HSPA4: variants seen among roughly 807,000 people sequenced by gnomAD.
HSPA4 encodes the protein heat shock 70 kDa protein 4.
In HSPA4, 25 loss-of-function variants were observed where a neutral mutation model predicts 106.2. The observed-to-expected ratio is 0.24, with a 90% CI of 0.17 to 0.33. HSPA4 has a LOEUF of 0.33. Ranked by LOEUF, HSPA4 falls within the 10% of genes least tolerant of loss-of-function variation. The pLI, the probability that HSPA4 is intolerant of heterozygous loss-of-function variation, is 1.00. For missense variants in HSPA4, 841 were observed against 996.0 expected, an observed-to-expected ratio of 0.84 and a Z score of 2.10; for synonymous variants, 332 against 333.6, an observed-to-expected ratio of 1.00 and a Z score of 0.05.
In HSPA4 at chr5:133,105,689, C is replaced by T. The variant is rs1765848484; in HGVS notation, c.*1253C>T. 6.6e-6 allele frequency: 1 copy of T among 152,140 alleles called. No homozygotes were observed. Among genetic ancestry groups the T allele is most frequent in the Non-Finnish European group, 1.5e-5 (1 of 68,034 alleles). 9.4% of individuals were successfully genotyped at this position (152,140 alleles called of 1,614,324 possible). ...AGGGCTTGTTGGTAATGTTTTGAAT[C>T]TTTGTAAAAATTGATATTCTGTATA... On this transcript the variant is annotated 3_prime_UTR_variant, in exon 19 of 19. Coordinates refer to ENST00000304858, the MANE Select transcript of HSPA4 (RefSeq NM_002154.4).
intron 8 of HSPA4, among the ~76,000 whole-genome samples, chr5:133,087,779 A>G (rs1765597275): frequency 1.3e-5 from 2 of 152,008 alleles, no homozygotes; most frequent in South Asian, 4.2e-4. Context: ...ATGCGCCACT[A>G]CTTCTGGCTA....
At chr5:133,074,187 A>T in intron 6 of HSPA4, 61 bp downstream of exon 6, 1 of 1,165,422 alleles carries the variant, frequency 8.6e-7, no homozygotes, top group Non-Finnish European at 1.2e-6. Context: ...AAATTTTGAG[A>T]GACAATGATT....
chr5:133,060,479 C>T (rs1166464696), intron 1 of HSPA4, among the ~76,000 whole-genome samples: 1 of 152,094 alleles, frequency 6.6e-6, no homozygotes, highest in African/African-American at 2.4e-5. Context: ...TCTTCTGCCT[C>T]AGCCCCCTGA....
intron 7 of HSPA4, among the ~76,000 whole-genome samples, chr5:133,079,211 GT>G: frequency 6.6e-6 from 1 of 152,138 alleles, no homozygotes. Flanking sequence ...AATTCACAGG[GT>G]TGTGCAATGG....
intron 17 of HSPA4, among the ~76,000 whole-genome samples, chr5:133,102,911 G>GTTTTTTTTT (rs1581483781): frequency 4.1e-5 from 2 of 48,902 alleles, no homozygotes; most frequent in Admixed American, 1.4e-4. Flanking sequence ...AACTAGGGTT[G>GTTTTTTTTT]TCTTTTTTTT....
chr5:133,101,328 T>C (rs1398942984), intron 16 of HSPA4, among the ~76,000 whole-genome samples: 1 of 152,224 alleles, frequency 6.6e-6, no homozygotes, highest in Non-Finnish European at 1.5e-5. Context: ...GATTTTCCTC[T>C]AGTTGGATTT....
chr5:133,067,211 C>T (rs1280059034), intron 2 of HSPA4, among the ~76,000 whole-genome samples: 3 of 152,040 alleles, frequency 2.0e-5, no homozygotes, highest in Non-Finnish European at 2.9e-5. Flanking sequence ...TATTTTTAGC[C>T]CTGCCACTCT....
In HSPA4 at chr5:133,052,188, C is replaced by T. The variant is rs553712217; in HGVS notation, c.-63C>T. The T allele has an allele frequency of 6.0e-6, 7 of 1,158,948 alleles. No individual in the cohort carries two copies. Among genetic ancestry groups the T allele is most frequent in the Non-Finnish European group, 5.0e-6 (4 of 806,178 alleles). 71.8% of individuals were successfully genotyped at this position (1,158,948 alleles called of 1,614,324 possible). On this transcript the variant is annotated 5_prime_UTR_variant, in exon 1 of 19. Coordinates refer to ENST00000304858, the MANE Select transcript of HSPA4 (RefSeq NM_002154.4). ...CCTGCTTTCCACTCGCTAGCCCCGC[C>T]GGGGGTCCGTGTCCTGTCTCGGTGG...
rs535303231 is a variant in HSPA4, at chr5:133,101,542, C to T, written c.2038-217C>T. The T allele has an allele frequency of 8.7e-5, 37 of 427,490 alleles. No individual in the cohort carries two copies. In the Admixed American group the frequency reaches 1.5e-3, roughly 17 times the overall value. The allele number at this position is 427,490 out of a possible 1,614,324, so 26.5% of individuals were successfully genotyped here. ...GTCTCCCTGCTGTGTTTTGAGGGCT[C>T]AGGTGACAAATTGAAGCGATTCCAG... On this transcript the variant is annotated intron_variant, in intron 16 of 18. Coordinates refer to ENST00000304858, the MANE Select transcript of HSPA4 (RefSeq NM_002154.4).
Position 133,104,395 on chromosome 5 carries a change from T to C in HSPA4, c.2482T>C (p.Ser828Pro). The C allele has an allele frequency of 6.2e-7, 1 of 1,614,176 alleles. No homozygotes were observed. Among genetic ancestry groups the C allele is most frequent in the Non-Finnish European group, 8.5e-7 (1 of 1,180,030 alleles). The change falls in exon 19 of 19, where the codon TCG (serine) becomes CCG (proline). Residue 828 changes from serine to proline, a missense_variant. By Grantham distance (74) the Ser-to-Pro change is moderately conservative. Coordinates refer to ENST00000304858, the MANE Select transcript of HSPA4 (RefSeq NM_002154.4). Reference sequence around the variant, plus strand: ...GCAGGGTACAGACACAGCTGTGCCTTCGGATTCAGACAAGAAGCTTCCTGA... The same window carrying C: ...GCAGGGTACAGACACAGCTGTGCCTCCGGATTCAGACAAGAAGCTTCCTGA... Reference protein sequence around the residue: ...AEQGTDTAVPSDSDKKLPEMD... With the variant: ...AEQGTDTAVPPDSDKKLPEMD...
intron 12 of HSPA4, among the ~76,000 whole-genome samples, chr5:133,091,817 G>A (rs1338239094): frequency 2.6e-5 from 4 of 152,072 alleles, no homozygotes; most frequent in Non-Finnish European, 4.4e-5. Flanking sequence ...CTTGAGCCCA[G>A]AAGTTTGAGG....
intron 7 of HSPA4, among the ~76,000 whole-genome samples, chr5:133,079,737 G>T (rs1188213332): frequency 6.6e-6 from 1 of 151,966 alleles, no homozygotes; most frequent in African/African-American, 2.4e-5. Flanking sequence ...CGCCCTACTG[G>T]GTTTCAGTTT....
At chr5:133,085,772 A>G (rs1358286368) in intron 7 of HSPA4, among the ~76,000 whole-genome samples, 2 of 151,228 alleles carry the variant, frequency 1.3e-5, no homozygotes, top group Non-Finnish European at 2.9e-5. Context: ...ACAGGGAGGG[A>G]TGAATAGTTG....
chr5:133,065,706 G>A (rs1765298922), intron 2 of HSPA4, among the ~76,000 whole-genome samples: 1 of 152,112 alleles, frequency 6.6e-6, no homozygotes. Flanking sequence ...TGTTAAACAA[G>A]TTTCTCAAGG....
intron 2 of HSPA4, among the ~76,000 whole-genome samples, chr5:133,066,967 C>G (rs1318241796): frequency 1.3e-5 from 2 of 152,098 alleles, no homozygotes; most frequent in Admixed American, 1.3e-4. Flanking sequence ...GCCCTGGCTT[C>G]TTTCAAAGTG....
At chr5:133,062,698 C>A (rs776667240) in intron 1 of HSPA4, among the ~76,000 whole-genome samples, 8 of 152,004 alleles carry the variant, frequency 5.3e-5, no homozygotes, top group Non-Finnish European at 1.2e-4. Context: ...CTTTCTAGGC[C>A]CAAAAGCTTA....
At chr5:133,080,826 T>C (rs1203804124) in intron 7 of HSPA4, among the ~76,000 whole-genome samples, 1 of 152,182 alleles carries the variant, frequency 6.6e-6, no homozygotes, top group African/African-American at 2.4e-5. Context: ...TTCTGATTTG[T>C]TCTTTCATTT....
At chr5:133,078,305 C>T (rs1193714611) in intron 7 of HSPA4, among the ~76,000 whole-genome samples, 4 of 144,474 alleles carry the variant, frequency 2.8e-5, no homozygotes, top group African/African-American at 7.7e-5. Flanking sequence ...GCACTCCAGC[C>T]TGGGCGACAG....
chr5:133,096,086 C>A lies in HSPA4; in HGVS notation c.1651-12C>A, dbSNP rs778448316. ...TATATGTGTTTGTTCTTAATGATTTCTATTGTTTTAGACCTCTCAAGCTGG... is the reference window on the plus strand; with the variant it reads ...TATATGTGTTTGTTCTTAATGATTTATATTGTTTTAGACCTCTCAAGCTGG... On this transcript the variant is annotated splice_polypyrimidine_tract_variant and intron_variant, in intron 13 of 18. Transcript: ENST00000304858. 1.2e-6 allele frequency: 2 copies of A among 1,609,790 alleles called. No homozygotes were observed. The highest frequency in any genetic ancestry group is 1.7e-6 in the Non-Finnish European group (2 of 1,178,006).
Sources: allele counts gnomAD v4.1 joint callset (sites outside exome capture counted in the v4.1 genomes callset), GRCh38; gene constraint gnomAD v4.1.1; transcripts MANE v1.5; gene names NCBI Gene and HGNC (gene_info 2026-07-23, HGNC 2026-07-21).